Variants in KIAA0825 observed in about 807,000 individuals in gnomAD.
KIAA0825 encodes uncharacterized protein KIAA0825.
KIAA0825 carries 119 observed loss-of-function variants against 147.6 expected under a neutral mutation model. That is an observed-to-expected ratio of 0.81 (90% CI 0.69 to 0.94). The LOEUF (loss-of-function observed/expected upper bound fraction) is 0.94. KIAA0825 is among the 40% of genes least tolerant of loss of function. The pLI is 0.00. For missense variants in KIAA0825, 1,381 were observed against 1,472.7 expected (o/e 0.94, Z 1.02); for synonymous variants, 470 against 518.1 (o/e 0.91, Z 1.26).
At chr5:94,336,261 C>CTT (rs34128147) in intron 20 of KIAA0825, among the ~76,000 whole-genome samples, 7 of 142,232 alleles carry the variant, frequency 4.9e-5, no homozygotes, top group African/African-American at 1.8e-4. Flanking sequence ...TCTTTTCTTT[C>CTT]TTTTTTTTTT....
intron 20 of KIAA0825, among the ~76,000 whole-genome samples, chr5:94,308,703 G>A (rs1327140128): frequency 2.6e-5 from 4 of 151,746 alleles, no homozygotes; most frequent in South Asian, 2.1e-4. Context: ...AAATATATGA[G>A]TACTGGCACT....
At chr5:94,564,316 A>T (rs1778155609) in intron 2 of KIAA0825, among the ~76,000 whole-genome samples, 1 of 141,626 alleles carries the variant, frequency 7.1e-6, no homozygotes, top group Admixed American at 7.4e-5. Flanking sequence ...GGCTCAAGGG[A>T]TCCTCCCACC....
intron 5 of KIAA0825, among the ~76,000 whole-genome samples, chr5:94,495,256 G>A (rs1764224177): frequency 6.6e-6 from 1 of 152,158 alleles, no homozygotes; most frequent in South Asian, 2.1e-4. Flanking sequence ...ACGTGTCTCA[G>A]GTGTGATGGC....
intron 16 of KIAA0825, among the ~76,000 whole-genome samples, chr5:94,397,278 C>T (rs369885127): frequency 6.6e-6 from 1 of 152,150 alleles, no homozygotes; most frequent in East Asian, 1.9e-4. Flanking sequence ...CTCCTCTTTG[C>T]TTCTTTGTGT....
At position 94,334,087 on chromosome 5, in the gene KIAA0825, A is replaced by ATTAGAAGGAACTTTCTTAACCTGATAAAG. The variant is rs548739537; in HGVS notation, c.3710+50252_3710+50280dup. Among the ~76,000 whole-genome samples, 1,117 of 152,272 alleles carry ATTAGAAGGAACTTTCTTAACCTGATAAAG rather than the reference A, an allele frequency of 7.3e-3. 13 individuals are homozygous for ATTAGAAGGAACTTTCTTAACCTGATAAAG. Among genetic ancestry groups the ATTAGAAGGAACTTTCTTAACCTGATAAAG allele is most frequent in the African/African-American group, 0.025 (1,045 of 41,534 alleles). ...AGCTACCATTGACTTTCTTCACAGA[A>ATTAGAAGGAACTTTCTTAACCTGATAAAG]TTAGAAGGAACTTTCTTAACCTGAT... On this transcript the variant is annotated intron_variant, in intron 20 of 20. Transcript: ENST00000682413.
At chr5:94,184,265 C>T (rs184031267) in intron 20 of KIAA0825, among the ~76,000 whole-genome samples, 2 of 152,254 alleles carry the variant, frequency 1.3e-5, no homozygotes, top group African/African-American at 4.8e-5. Flanking sequence ...CTATCAGGTG[C>T]TATATTTTCC....
At chr5:94,252,716 T>G (rs1776027132) in intron 20 of KIAA0825, among the ~76,000 whole-genome samples, 1 of 151,994 alleles carries the variant, frequency 6.6e-6, no homozygotes, top group African/African-American at 2.4e-5. Context: ...TGAATAGAAT[T>G]GTGACCAATA....
chr5:94,598,887 GGTTGAT>G (rs980000905), intron 1 of KIAA0825, among the ~76,000 whole-genome samples: 7 of 152,088 alleles, frequency 4.6e-5, no homozygotes, highest in African/African-American at 1.7e-4. Flanking sequence ...TAGACGTTTA[GGTTGAT>G]TTCATATCTT....
intron 2 of KIAA0825, among the ~76,000 whole-genome samples, chr5:94,578,008 A>G (rs1477828184): frequency 1.3e-5 from 2 of 152,200 alleles, no homozygotes; most frequent in Admixed American, 6.5e-5. Flanking sequence ...AGAACTCACA[A>G]ACAGAAAAAG....
intron 5 of KIAA0825, among the ~76,000 whole-genome samples, chr5:94,512,993 ACT>A (rs1766721077): frequency 6.6e-6 from 1 of 152,124 alleles, no homozygotes. Flanking sequence ...GTGACTTAGC[ACT>A]CTGTACGCTG....
intron 14 of KIAA0825, among the ~76,000 whole-genome samples, chr5:94,427,143 C>A (rs1358986761): frequency 7.9e-5 from 12 of 152,150 alleles, no homozygotes; most frequent in Non-Finnish European, 2.9e-5. Flanking sequence ...GGACATTTTC[C>A]ATCTACTCTG....
In KIAA0825 at chr5:94,396,207, T is replaced by G; in HGVS notation, c.3190A>C (p.Ser1064Arg). 6.4e-7 allele frequency: 1 copy of G among 1,551,612 alleles called. No individual in the cohort carries two copies. The highest frequency in any genetic ancestry group is 8.7e-7 in the Non-Finnish European group (1 of 1,146,938). The change falls in exon 17 of 21, where the codon AGT (serine) becomes CGT (arginine). Residue 1064 changes from serine (S) to arginine (R), a missense_variant. By Grantham distance (110) the Ser-to-Arg change is moderately radical. Coordinates refer to ENST00000682413, the MANE Select transcript of KIAA0825 (RefSeq NM_001145678.3). ...CLKSIMGDQTSIHNQMIQKVI... is the reference protein window; with the variant it reads ...CLKSIMGDQTRIHNQMIQKVI... ...TTTTGGATCATTTGATTATGGATAC[T>G]TGTCTGGTCTCCCATGATGCTTTTC...
rs552791862 is a variant in KIAA0825, at chr5:94,548,996, C to T, written c.-1-11869G>A. Among the ~76,000 whole-genome samples the T allele has an allele frequency of 3.9e-4, 60 of 152,264 alleles. 1 individual carries two copies. The highest frequency in any genetic ancestry group is 1.3e-3 in the African/African-American group (53 of 41,524). On this transcript the variant is annotated intron_variant, in intron 2 of 20. Transcript: ENST00000682413. ...ATACAATAATAGCTGGAGACTTCAA[C>T]ACCTTACTTTCAGCATAGGACAGAT... is the stretch of plus-strand genomic sequence containing the variant.
intron 14 of KIAA0825, among the ~76,000 whole-genome samples, chr5:94,430,807 G>A (rs1183187475): frequency 6.6e-6 from 1 of 152,172 alleles, no homozygotes; most frequent in East Asian, 1.9e-4. Context: ...AGCCAGATTA[G>A]ATTTGATTCA....
chr5:94,359,931 T>C (rs1162950432), intron 20 of KIAA0825, among the ~76,000 whole-genome samples: 1 of 152,224 alleles, frequency 6.6e-6, no homozygotes, highest in Non-Finnish European at 1.5e-5. Flanking sequence ...GTGGCAGACA[T>C]TGCTAATTGA....
intron 5 of KIAA0825, among the ~76,000 whole-genome samples, chr5:94,506,651 A>G (rs1158110604): frequency 6.6e-6 from 1 of 152,228 alleles, no homozygotes; most frequent in Non-Finnish European, 1.5e-5. Context: ...ATCTGGAGAC[A>G]AAACTATTAA....
chr5:94,343,147 A>G (rs374996777), intron 20 of KIAA0825, among the ~76,000 whole-genome samples: 1 of 152,216 alleles, frequency 6.6e-6, no homozygotes, highest in South Asian at 2.1e-4. Context: ...AGATCAATTG[A>G]TATCTTATGA....
intron 20 of KIAA0825, among the ~76,000 whole-genome samples, chr5:94,311,289 T>C (rs1265183596): frequency 6.6e-6 from 1 of 151,232 alleles, no homozygotes; most frequent in Admixed American, 6.6e-5. Context: ...ATGGTATTGC[T>C]TGGAACCTTA....
At chr5:94,475,613 G>C (rs893079045) in intron 7 of KIAA0825, among the ~76,000 whole-genome samples, 1 of 152,110 alleles carries the variant, frequency 6.6e-6, no homozygotes, top group Non-Finnish European at 1.5e-5. Context: ...TTCGAGACCA[G>C]CCTGGCCAAC....
Sources: allele counts gnomAD v4.1 joint callset (sites outside exome capture counted in the v4.1 genomes callset), GRCh38; gene constraint gnomAD v4.1.1; transcripts MANE v1.5; gene names NCBI Gene and HGNC (gene_info 2026-07-23, HGNC 2026-07-21).